The following ZC3H12B variants were observed in gnomAD, a reference collection of about 807,000 sequenced individuals.
ZC3H12B encodes probable ribonuclease ZC3H12B.
Under a neutral mutation model 43.9 loss-of-function variants are expected in ZC3H12B, and 7 were observed. The ratio of observed to expected loss-of-function variants is 0.16; its 90% CI spans 0.09 to 0.30. ZC3H12B has a LOEUF of 0.30. Ranked by LOEUF, ZC3H12B falls within the 10% of genes least tolerant of loss-of-function variation. The probability of loss-of-function intolerance (pLI) is 1.00; values close to 1 mark genes in which losing one functional copy is unlikely to be tolerated. For missense variants in ZC3H12B, 475 were observed against 670.2 expected (o/e 0.71, Z 3.22); for synonymous variants, 222 against 241.7 (o/e 0.92, Z 0.76).
At chrX:65,095,810 T>C in the ZC3H12B span, among the ~76,000 whole-genome samples, 1 of 110,956 alleles carries the variant, frequency 9.0e-6, no homozygotes, top group East Asian at 2.8e-4. Flanking sequence ...GAGGATGAAA[T>C]TGTGCAGCAT....
intron 3 of ZC3H12B, among the ~76,000 whole-genome samples, chrX:65,421,486 T>G (rs141414697): frequency 2.2e-4 from 25 of 112,103 alleles, no homozygotes; most frequent in Non-Finnish European, 3.6e-4. Context: ...TTGGACTACT[T>G]TTACCAGGGA....
chrX:65,146,526 TAAAG>T, the ZC3H12B span, among the ~76,000 whole-genome samples: 1 of 111,517 alleles, frequency 9.0e-6, no homozygotes, highest in East Asian at 2.8e-4. Flanking sequence ...TGGGGGGTGT[TAAAG>T]AACCTCCTTT....
the ZC3H12B span, among the ~76,000 whole-genome samples, chrX:65,241,588 G>T: frequency 8.9e-6 from 1 of 112,740 alleles, no homozygotes; most frequent in African/African-American, 3.2e-5. Context: ...AAGTAGTCTG[G>T]CCATGATCTG....
intron 3 of ZC3H12B, among the ~76,000 whole-genome samples, chrX:65,429,043 C>T (rs2067117847): frequency 9.0e-6 from 1 of 111,702 alleles, no homozygotes; most frequent in Admixed American, 9.5e-5. Context: ...CACTCCAGAC[C>T]CTAGTTGCCT....
At chrX:65,146,162 G>T in the ZC3H12B span, among the ~76,000 whole-genome samples, 1 of 110,055 alleles carries the variant, frequency 9.1e-6, no homozygotes, top group Non-Finnish European at 1.9e-5. Context: ...GGGTTTTGGG[G>T]GTCTTTGTTC....
intron 2 of ZC3H12B, among the ~76,000 whole-genome samples, chrX:65,374,283 T>TAG (rs1476993055): frequency 3.3e-5 from 3 of 92,013 alleles, no homozygotes; most frequent in African/African-American, 1.2e-4. Context: ...TATATATATA[T>TAG]ATATATATGA....
the ZC3H12B span, among the ~76,000 whole-genome samples, chrX:65,310,128 T>C: frequency 1.8e-5 from 2 of 111,789 alleles, no homozygotes; most frequent in Non-Finnish European, 3.8e-5. Flanking sequence ...CTATTCAACA[T>C]AGTGTTGGAA....
At chrX:65,371,680 G>A (rs1268188080) in intron 2 of ZC3H12B, among the ~76,000 whole-genome samples, 1 of 112,131 alleles carries the variant, frequency 8.9e-6, no homozygotes, top group Non-Finnish European at 1.9e-5. Context: ...GCATCTTTCA[G>A]AGCTCTAGAC....
rs1254273575 is a variant in ZC3H12B, at chrX:65,496,164, C to T, written c.609-968C>T. 3.6e-5 allele frequency among the ~76,000 whole-genome samples: 4 copies of T among 112,124 alleles called. No individual in the cohort carries two copies. The Admixed American group carries it at 3.8e-4, about 11-fold the overall frequency. ...GTTTTCTTCTACAAAATCGGTGTTA[C>T]ATTATATATAGTCTGTATTTTTTCT... On this transcript the variant is annotated intron_variant, in intron 1 of 4. Coordinates refer to ENST00000338957, the Ensembl canonical transcript of ZC3H12B.
At chrX:65,356,422 C>T in the ZC3H12B span, among the ~76,000 whole-genome samples, 1 of 111,625 alleles carries the variant, frequency 9.0e-6, no homozygotes, top group Admixed American at 9.6e-5. Flanking sequence ...TAAATATATA[C>T]ATATAAAAAT....
the ZC3H12B span, among the ~76,000 whole-genome samples, chrX:65,125,901 G>T: frequency 2.7e-5 from 3 of 111,044 alleles, no homozygotes; most frequent in Non-Finnish European, 3.8e-5. Flanking sequence ...CATAAACTTG[G>T]TTGGTGAATT....
At chrX:65,190,566 A>C in the ZC3H12B span, among the ~76,000 whole-genome samples, 1 of 105,920 alleles carries the variant, frequency 9.4e-6, no homozygotes, top group East Asian at 3.0e-4. Flanking sequence ...AGCAATTGTG[A>C]ATGGGAGTTC....
the ZC3H12B span, among the ~76,000 whole-genome samples, chrX:65,153,147 C>T: frequency 1.8e-5 from 2 of 112,079 alleles, no homozygotes; most frequent in African/African-American, 6.5e-5. Context: ...AAAACTTAGG[C>T]ATTACCATTC....
chrX:65,276,825 G>C, the ZC3H12B span, among the ~76,000 whole-genome samples: 1 of 111,553 alleles, frequency 9.0e-6, no homozygotes, highest in Non-Finnish European at 1.9e-5. Context: ...AGGAGAGTGA[G>C]TAAAGAGCAA....
chrX:65,169,505 A>G, the ZC3H12B span, among the ~76,000 whole-genome samples: 1 of 111,996 alleles, frequency 8.9e-6, no homozygotes, highest in African/African-American at 3.2e-5. Flanking sequence ...AAGAATGTAT[A>G]TTCTGTTGAT....
chrX:65,382,382 G>A (rs1022238395), intron 2 of ZC3H12B, among the ~76,000 whole-genome samples: 3 of 110,595 alleles, frequency 2.7e-5, no homozygotes, highest in Non-Finnish European at 1.9e-5. Context: ...TGCAGAAAAG[G>A]CCTTTGACAA....
At chrX:65,451,252 A>AT (rs1179623385) in intron 3 of ZC3H12B, among the ~76,000 whole-genome samples, 3 of 110,031 alleles carry the variant, frequency 2.7e-5, no homozygotes, top group African/African-American at 6.6e-5. Flanking sequence ...GCCCAGCCTC[A>AT]TTTTTTTGTT....
the ZC3H12B span, among the ~76,000 whole-genome samples, chrX:65,224,784 T>C: frequency 9.0e-6 from 1 of 111,467 alleles, no homozygotes; most frequent in African/African-American, 3.3e-5. Context: ...AGCACAACAG[T>C]CTGAGATCAA....
intron 3 of ZC3H12B, among the ~76,000 whole-genome samples, chrX:65,409,866 T>C (rs921610551): frequency 1.8e-5 from 2 of 110,937 alleles, no homozygotes; most frequent in Middle Eastern, 4.3e-3. Flanking sequence ...AGAATCAATA[T>C]TGGTAAAATA....
Sources: allele counts gnomAD v4.1 joint callset (sites outside exome capture counted in the v4.1 genomes callset), GRCh38; gene constraint gnomAD v4.1.1; transcripts MANE v1.5; gene names NCBI Gene and HGNC (gene_info 2026-07-23, HGNC 2026-07-21).